Variants in WDPCP observed in about 807,000 individuals in gnomAD.
WDPCP encodes the protein WD repeat containing planar cell polarity effector, also known as WD repeat-containing and planar cell polarity effector protein fritz homolog.
Under a neutral mutation model 93.1 loss-of-function variants are expected in WDPCP, and 71 were observed. That is an observed-to-expected ratio of 0.76 (90% CI 0.63 to 0.93). The LOEUF is 0.93. Among genes scored for constraint, WDPCP ranks in the 40% least tolerant of loss-of-function variants. The probability of loss-of-function intolerance (pLI) is 0.00; values close to 1 mark genes in which losing one functional copy is unlikely to be tolerated. For synonymous variants in WDPCP, 315 were observed against 315.0 expected, an observed-to-expected ratio of 1.00 and a Z score of 0.00; for missense variants, 844 against 887.4, an observed-to-expected ratio of 0.95 and a Z score of 0.62.
At chr2:63,340,477 G>T (rs1220248505) in intron 12 of WDPCP, among the ~76,000 whole-genome samples, 1 of 152,162 alleles carries the variant, frequency 6.6e-6, no homozygotes, top group Non-Finnish European at 1.5e-5. Context: ...TCTCCTAAGG[G>T]ATATTTCTTC....
intron 12 of WDPCP, among the ~76,000 whole-genome samples, chr2:63,349,846 T>C (rs909902769): frequency 6.6e-6 from 1 of 152,164 alleles, no homozygotes; most frequent in Non-Finnish European, 1.5e-5. Flanking sequence ...AATAAAAAAA[T>C]AGCAGGATTA....
At chr2:63,136,540 A>C (rs1306069212) in intron 17 of WDPCP, among the ~76,000 whole-genome samples, 2 of 152,108 alleles carry the variant, frequency 1.3e-5, no homozygotes, top group Non-Finnish European at 2.9e-5. Flanking sequence ...ATAAACAAAT[A>C]TTCTTTTTTT....
chr2:63,749,620 A>G (rs1387678162), intron 2 of WDPCP, among the ~76,000 whole-genome samples: 1 of 152,094 alleles, frequency 6.6e-6, no homozygotes. Context: ...GCACCCAACT[A>G]CCTGTTTAAG....
At chr2:63,509,906 C>A (rs1242609241) in intron 1 of WDPCP, among the ~76,000 whole-genome samples, 2 of 152,024 alleles carry the variant, frequency 1.3e-5, no homozygotes, top group Non-Finnish European at 2.9e-5. Context: ...CTGAACAGAC[C>A]AAAAACAAGT....
chr2:63,527,417 T>C (rs1356775295), intron 1 of WDPCP, among the ~76,000 whole-genome samples: 3 of 129,458 alleles, frequency 2.3e-5, no homozygotes, highest in Non-Finnish European at 3.1e-5. Flanking sequence ...CCCCTTCCAG[T>C]ATCCAAGTGT....
chr2:63,525,825 C>G (rs1703297599), intron 1 of WDPCP, among the ~76,000 whole-genome samples: 1 of 152,192 alleles, frequency 6.6e-6, no homozygotes, highest in African/African-American at 2.4e-5. Flanking sequence ...TGGTAAAGTA[C>G]ACTGGAGTAC....
At chr2:63,343,997 T>C (rs1689023736) in intron 12 of WDPCP, among the ~76,000 whole-genome samples, 1 of 152,204 alleles carries the variant, frequency 6.6e-6, no homozygotes, top group Admixed American at 6.5e-5. Flanking sequence ...TTTTAAGTCT[T>C]TGTCTAGTAA....
chr2:63,501,808 A>C (rs551743322), intron 1 of WDPCP, among the ~76,000 whole-genome samples: 40 of 152,118 alleles, frequency 2.6e-4, no homozygotes, highest in African/African-American at 9.6e-4. Context: ...TAGAGACAGC[A>C]TTTCACCATG....
At chr2:63,177,738 G>C (rs1673926548) in intron 14 of WDPCP, among the ~76,000 whole-genome samples, 1 of 151,938 alleles carries the variant, frequency 6.6e-6, no homozygotes, top group African/African-American at 2.4e-5. Flanking sequence ...CTTTGACTAG[G>C]ACATTCCAGT....
intron 3 of WDPCP, among the ~76,000 whole-genome samples, chr2:63,615,940 T>TA (rs1204505913): frequency 2.0e-5 from 3 of 152,222 alleles, no homozygotes; most frequent in Admixed American, 6.5e-5. Context: ...ACCTTGGTAA[T>TA]AATAATATTC....
At chr2:63,573,608 G>A (rs1045300140) in intron 1 of WDPCP, among the ~76,000 whole-genome samples, 43 of 152,134 alleles carry the variant, frequency 2.8e-4, no homozygotes, top group East Asian at 2.1e-3. Flanking sequence ...TGATGATTGC[G>A]TTAACTGCAC....
Position 63,129,533 on chromosome 2 carries a change from G to A in WDPCP, c.2191-7477C>T, listed in dbSNP as rs900287973. ...GCCATTCCAATGTATGTAGTTTCTC[G>A]TTGTGGTTTGATCTGCATTTTTCTA... On this transcript the variant is annotated intron_variant, in intron 17 of 17. Coordinates refer to ENST00000272321, the MANE Select transcript of WDPCP (RefSeq NM_015910.7). 1.1e-4 allele frequency among the ~76,000 whole-genome samples: 17 copies of A among 152,200 alleles called. No homozygotes were observed. In the Middle Eastern group the frequency reaches 0.01, roughly 91 times the overall value.
chr2:63,229,213 TG>T (rs1678600779), intron 14 of WDPCP: 1 of 152,246 alleles, frequency 6.6e-6, no homozygotes, highest in South Asian at 2.1e-4. Context: ...ATGTGTTTTT[TG>T]GCTGCATAAA....
chr2:63,204,802 G>A (rs1007245916), intron 14 of WDPCP, among the ~76,000 whole-genome samples: 1 of 151,920 alleles, frequency 6.6e-6, no homozygotes, highest in Admixed American at 6.6e-5. Flanking sequence ...TCTGTGGCTT[G>A]TCTCTTCACT....
At chr2:63,707,229 CTT>C (rs2103735149) in intron 2 of WDPCP, among the ~76,000 whole-genome samples, 1 of 152,304 alleles carries the variant, frequency 6.6e-6, no homozygotes, top group Admixed American at 6.5e-5. Flanking sequence ...TGTTTTCCAA[CTT>C]GGTTCCATTC....
At chr2:63,406,053 A>C (rs995474832) in intron 9 of WDPCP, among the ~76,000 whole-genome samples, 1 of 152,166 alleles carries the variant, frequency 6.6e-6, no homozygotes, top group Non-Finnish European at 1.5e-5. Flanking sequence ...GTACTGTTTA[A>C]CAATTTCATG....
intron 6 of WDPCP, chr2:63,442,343 T>C (rs975284578): frequency 6.6e-6 from 1 of 152,182 alleles, no homozygotes; most frequent in Non-Finnish European, 1.5e-5. Flanking sequence ...TTTAGAATAA[T>C]GCCTGGCACA....
intron 17 of WDPCP, among the ~76,000 whole-genome samples, chr2:63,147,565 C>T (rs1027262378): frequency 6.6e-6 from 1 of 152,154 alleles, no homozygotes; most frequent in African/African-American, 2.4e-5. Context: ...CTTCTTTATC[C>T]ATGCATTTTT....
chr2:63,515,231 T>C (rs934136000), intron 1 of WDPCP, among the ~76,000 whole-genome samples: 1 of 152,182 alleles, frequency 6.6e-6, no homozygotes, highest in African/African-American at 2.4e-5. Flanking sequence ...TTAATACATA[T>C]GAGTGTGTGG....
Sources: allele counts gnomAD v4.1 joint callset (sites outside exome capture counted in the v4.1 genomes callset), GRCh38; gene constraint gnomAD v4.1.1; transcripts MANE v1.5; gene names NCBI Gene and HGNC (gene_info 2026-07-23, HGNC 2026-07-21).